The following ST3GAL1 variants were observed in gnomAD, a reference collection of about 807,000 sequenced individuals.
ST3GAL1 encodes the protein CMP-N-acetylneuraminate-beta-galactosamide-alpha-2,3-sialyltransferase 1.
In ST3GAL1, 16 loss-of-function variants were observed where a neutral mutation model predicts 34.1. That is an observed-to-expected ratio of 0.47 (90% CI 0.32 to 0.71). The LOEUF (loss-of-function observed/expected upper bound fraction) is 0.71, where lower values mean the gene tolerates loss of function less well. Among genes scored for constraint, ST3GAL1 ranks in the 30% least tolerant of loss-of-function variants. ST3GAL1 has a pLI of 0.04. For missense variants in ST3GAL1, 353 were observed against 447.4 expected, an observed-to-expected ratio of 0.79 and a Z score of 1.90; for synonymous variants, 191 against 184.7, an observed-to-expected ratio of 1.03 and a Z score of -0.28.
intron 1 of ST3GAL1, among the ~76,000 whole-genome samples, chr8:133,569,604 G>A (rs1035595227): frequency 6.6e-6 from 1 of 152,128 alleles, no homozygotes; most frequent in Non-Finnish European, 1.5e-5. Context: ...AGAGGCTGAG[G>A]GGCACGGAGT....
chr8:133,483,138 T>C (rs1020391388), intron 3 of ST3GAL1, among the ~76,000 whole-genome samples: 9 of 152,166 alleles, frequency 5.9e-5, no homozygotes, highest in African/African-American at 2.2e-4. Context: ...GGTCAGGAGT[T>C]CGAGACCAGC....
chr8:133,501,344 C>T (rs1473272555), intron 2 of ST3GAL1, among the ~76,000 whole-genome samples: 1 of 152,188 alleles, frequency 6.6e-6, no homozygotes, highest in Non-Finnish European at 1.5e-5. Flanking sequence ...CCAGCCCAGC[C>T]CTATCCGGCA....
intron 2 of ST3GAL1, among the ~76,000 whole-genome samples, chr8:133,512,693 T>A (rs1817529505): frequency 6.6e-6 from 1 of 152,170 alleles, no homozygotes. Context: ...CAGTACGTCA[T>A]GAGACCAACC....
intron 2 of ST3GAL1, among the ~76,000 whole-genome samples, chr8:133,543,189 T>A (rs910711486): frequency 2.6e-5 from 4 of 152,172 alleles, no homozygotes; most frequent in Non-Finnish European, 4.4e-5. Flanking sequence ...GCCAACCTAA[T>A]CAGGAGGAAA....
chr8:133,550,991 C>T (rs943103132), intron 1 of ST3GAL1, among the ~76,000 whole-genome samples: 5 of 152,204 alleles, frequency 3.3e-5, no homozygotes, highest in Non-Finnish European at 7.3e-5. Context: ...TAAATCATAG[C>T]TTTTCCTCTC....
intron 3 of ST3GAL1, among the ~76,000 whole-genome samples, chr8:133,495,967 G>A (rs1816933809): frequency 6.6e-6 from 1 of 152,208 alleles, no homozygotes; most frequent in Admixed American, 6.5e-5. Context: ...ATCTCGGTAT[G>A]TGCCCCTGGC....
chr8:133,493,450 G>T (rs1816843068), intron 3 of ST3GAL1, among the ~76,000 whole-genome samples: 1 of 152,162 alleles, frequency 6.6e-6, no homozygotes, highest in East Asian at 1.9e-4. Flanking sequence ...TCCTGGGGTG[G>T]GTGGAGGGTG....
At chr8:133,539,156 C>A (rs1439250016) in intron 2 of ST3GAL1, among the ~76,000 whole-genome samples, 2 of 152,158 alleles carry the variant, frequency 1.3e-5, no homozygotes, top group Non-Finnish European at 2.9e-5. Context: ...ACAGGTCAGC[C>A]CGCAGAACTT....
intron 8 of ST3GAL1, among the ~76,000 whole-genome samples, 184 bp downstream of exon 8, chr8:133,463,230 C>T (rs1476830579): frequency 1.3e-5 from 2 of 152,216 alleles, no homozygotes; most frequent in Non-Finnish European, 1.5e-5. Context: ...GCCCGGGGGA[C>T]CCCACTTTGA....
rs1815417944 is a variant in ST3GAL1, at chr8:133,459,526, T to TG, written c.*237dup. 1.5e-5 allele frequency: 6 copies of TG among 412,760 alleles called. No homozygotes were observed. Among genetic ancestry groups the TG allele is most frequent in the Non-Finnish European group, 2.6e-5 (6 of 234,462 alleles). 25.6% of individuals were successfully genotyped at this position (412,760 alleles called of 1,614,324 possible). On this transcript the variant is annotated 3_prime_UTR_variant, in exon 10 of 10. Coordinates refer to ENST00000522652, the MANE Select transcript of ST3GAL1 (RefSeq NM_173344.3). The surrounding 1 kb of genome is among the most constrained non-coding windows in gnomAD (Gnocchi z 4.7). ...CGTCTCCCCAGCTCTAGGGCAGCAG[T>TG]GGGGGGACGTTGTCCCCACTCAAGA...
chr8:133,484,688 G>C (rs1039572278), intron 3 of ST3GAL1, among the ~76,000 whole-genome samples: 1 of 152,144 alleles, frequency 6.6e-6, no homozygotes, highest in South Asian at 2.1e-4. Context: ...CTCATTTGGA[G>C]AATCAGCCTA....
At chr8:133,526,947 A>G (rs1034680280) in intron 2 of ST3GAL1, among the ~76,000 whole-genome samples, 2 of 152,144 alleles carry the variant, frequency 1.3e-5, no homozygotes, top group African/African-American at 2.4e-5. Context: ...TCTCAGAACA[A>G]CTCAGCGAAG....
intron 2 of ST3GAL1, among the ~76,000 whole-genome samples, chr8:133,540,747 A>T (rs1818446175): frequency 2.1e-5 from 1 of 47,328 alleles, no homozygotes; most frequent in South Asian, 7.7e-4. Context: ...ATATATAGAC[A>T]TATATATATA....
rs575857698 is a variant in ST3GAL1, at chr8:133,500,139, T to A, written c.-428-950A>T. On this transcript the variant is annotated intron_variant, in intron 2 of 9. Coordinates refer to ENST00000522652, the MANE Select transcript of ST3GAL1 (RefSeq NM_173344.3). The stretch of plus-strand genomic sequence containing the variant: ...TGCTCTACCCACAGCTGGCAGCAGC[T>A]TTGGTCACAGCTGCTTTTGCTCCTG... Among the ~76,000 whole-genome samples the A allele has an allele frequency of 4.6e-5, 7 of 152,306 alleles. 2 individuals carry two copies. Among genetic ancestry groups the A allele is most frequent in the African/African-American group, 1.7e-4 (7 of 41,568 alleles).
At chr8:133,552,646 C>T (rs921314945) in intron 1 of ST3GAL1, among the ~76,000 whole-genome samples, 2 of 152,156 alleles carry the variant, frequency 1.3e-5, no homozygotes, top group Non-Finnish European at 2.9e-5. Context: ...GTGAGAAGAA[C>T]TTTGGGCAGG....
At chr8:133,543,657 C>A (rs1818596846) in intron 2 of ST3GAL1, among the ~76,000 whole-genome samples, 1 of 151,780 alleles carries the variant, frequency 6.6e-6, no homozygotes, top group Non-Finnish European at 1.5e-5. Context: ...AGAAAAAAAT[C>A]AATATATTAC....
chr8:133,527,762 T>G (rs1310679655), intron 2 of ST3GAL1, among the ~76,000 whole-genome samples: 1 of 151,998 alleles, frequency 6.6e-6, no homozygotes, highest in Non-Finnish European at 1.5e-5. Flanking sequence ...TGCTGGGCGG[T>G]CCCAGACTGC....
intron 3 of ST3GAL1, among the ~76,000 whole-genome samples, chr8:133,483,685 C>G (rs942358943): frequency 6.6e-6 from 1 of 152,172 alleles, no homozygotes; most frequent in Non-Finnish European, 1.5e-5. Context: ...TTTCTACTCC[C>G]GTGGCCAAGA....
chr8:133,490,574 AG>A (rs1219617005), intron 3 of ST3GAL1, among the ~76,000 whole-genome samples: 1 of 152,192 alleles, frequency 6.6e-6, no homozygotes, highest in Non-Finnish European at 1.5e-5. Flanking sequence ...CCATGGAGAC[AG>A]GGGGCATAGC....
Sources: allele counts gnomAD v4.1 joint callset (sites outside exome capture counted in the v4.1 genomes callset), GRCh38; gene constraint gnomAD v4.1.1; non-coding constraint Gnocchi (gnomAD v3.1); transcripts MANE v1.5; gene names NCBI Gene and HGNC (gene_info 2026-07-23, HGNC 2026-07-21).